The following TNKS variants were observed in gnomAD, a reference collection of about 807,000 sequenced individuals.
TNKS encodes the protein tankyrase.
TNKS carries 72 observed loss-of-function variants against 135.8 expected under a neutral mutation model. That is an observed-to-expected ratio of 0.53 (90% CI 0.44 to 0.64). The LOEUF (loss-of-function observed/expected upper bound fraction) is 0.64. TNKS is among the 30% of genes least tolerant of loss of function. The pLI, the probability that TNKS is intolerant of heterozygous loss-of-function variation, is 0.00. For missense variants in TNKS, 1,769 were observed against 1,674.0 expected, an observed-to-expected ratio of 1.06 and a Z score of -0.99; for synonymous variants, 849 against 649.3, an observed-to-expected ratio of 1.31 and a Z score of -4.68.
intron 3 of TNKS, chr8:9,671,220 T>C (rs564755038): frequency 5.9e-5 from 9 of 152,314 alleles, no homozygotes; most frequent in Admixed American, 4.6e-4. Flanking sequence ...CAGATACTTA[T>C]GATATAACCC....
chr8:9,594,179 G>A (rs1217816086), intron 2 of TNKS, among the ~76,000 whole-genome samples: 5 of 152,096 alleles, frequency 3.3e-5, no homozygotes, highest in African/African-American at 1.2e-4. Flanking sequence ...GAGCCACTGC[G>A]CCCGGCTATC....
Position 9,763,150 on chromosome 8 carries a change from C to G in TNKS, c.3278C>G (p.Thr1093Ser), listed in dbSNP as rs1323918152. The part of the protein sequence containing the change: ...VERLLGGQQG[T>S]NPYLTFHCVN... ...TGTTAATTTTTCTCTCCGACAGGCA[C>G]CAATCCTTATTTGACTTTTCACTGT... The change falls in exon 22 of 27, where the codon ACC (threonine) becomes AGC (serine). Residue 1093 changes from threonine to serine, a missense_variant. Thr to Ser is a moderately conservative substitution (Grantham distance 58). This residue lies in a region of TNKS where 722 missense variants were observed against 688.9 expected (regional missense o/e 1.05). Transcript: ENST00000310430. 1 of 1,583,228 alleles carries G rather than the reference C, an allele frequency of 6.3e-7. No individual in the cohort carries two copies.
intron 23 of TNKS, among the ~76,000 whole-genome samples, chr8:9,765,135 C>A (rs993349464): frequency 6.6e-6 from 1 of 152,160 alleles, no homozygotes; most frequent in Non-Finnish European, 1.5e-5. Context: ...CATCAAAGTC[C>A]TGGATCTTCA....
chr8:9,732,092 A>G (rs1337773265), intron 14 of TNKS, among the ~76,000 whole-genome samples: 2 of 152,166 alleles, frequency 1.3e-5, no homozygotes, highest in Admixed American at 6.5e-5. Flanking sequence ...CCAGCCCTAT[A>G]TGAATGTTTT....
In TNKS at chr8:9,668,673, G is replaced by C. The variant is rs369762335; in HGVS notation, c.995-11278G>C. 4.6e-5 allele frequency among the ~76,000 whole-genome samples: 7 copies of C among 152,278 alleles called. No individual in the cohort carries two copies. In the East Asian group the frequency reaches 9.7e-4, roughly 21 times the overall value. ...CATGAAGGAAGTTATGTGTAAGTTT[G>C]GCCATATGTTTGTGGCAAGATTTTA... is the stretch of plus-strand genomic sequence containing the variant. On this transcript the variant is annotated intron_variant, in intron 3 of 26. Transcript: ENST00000310430.
In TNKS at chr8:9,763,212, G is replaced by A. The variant is rs1159636877; in HGVS notation, c.3340G>A (p.Glu1114Lys). ...QGTILLDLAP[E>K]DKEYQSVEEE... is the part of the protein sequence containing the mutation. ...AACGATTTTGCTGGATCTTGCTCCA[G>A]AAGATAAAGAATATCAGTCAGTGGA... The change falls in exon 22 of 27, where the codon GAA becomes AAA. Residue 1114 changes from glutamate (E) to lysine (K), a missense_variant. Physicochemically the swap from Glu to Lys is moderately conservative, Grantham distance 56 (BLOSUM62 1). Coordinates refer to ENST00000310430, the MANE Select transcript of TNKS (RefSeq NM_003747.3). 31 of 1,607,272 alleles carry A rather than the reference G, an allele frequency of 1.9e-5. No individual in the cohort carries two copies. Among genetic ancestry groups the A allele is most frequent in the Non-Finnish European group, 2.6e-5 (31 of 1,175,770 alleles).
chr8:9,676,599 AAAAT>A (rs1040007697), intron 3 of TNKS, among the ~76,000 whole-genome samples: 12 of 152,132 alleles, frequency 7.9e-5, no homozygotes, highest in African/African-American at 2.9e-4. Context: ...CTACTCCAGA[AAAAT>A]AAAAAGAGCT....
chr8:9,666,362 A>G (rs1156438704), intron 3 of TNKS, among the ~76,000 whole-genome samples: 1 of 152,226 alleles, frequency 6.6e-6, no homozygotes, highest in Non-Finnish European at 1.5e-5. Context: ...ATTCTAAACT[A>G]AAAGGAAATA....
intron 3 of TNKS, among the ~76,000 whole-genome samples, chr8:9,638,275 T>C (rs1486521995): frequency 3.9e-5 from 6 of 152,250 alleles, no homozygotes; most frequent in Non-Finnish European, 4.4e-5. Flanking sequence ...GCCTCCAGCC[T>C]AAATTCTTAT....
intron 1 of TNKS, among the ~76,000 whole-genome samples, chr8:9,561,954 T>C (rs1797348460): frequency 6.6e-6 from 1 of 152,000 alleles, no homozygotes; most frequent in Non-Finnish European, 1.5e-5. Context: ...GTAGCTGGGA[T>C]TACAGGCGCC....
chr8:9,733,022 AT>A (rs1260709650), intron 14 of TNKS, among the ~76,000 whole-genome samples: 1 of 152,232 alleles, frequency 6.6e-6, no homozygotes, highest in African/African-American at 2.4e-5. Flanking sequence ...ACTCATAAAG[AT>A]AAGGATTGCT....
chr8:9,676,452 A>AG (rs1802539801), intron 3 of TNKS, among the ~76,000 whole-genome samples: 1 of 152,150 alleles, frequency 6.6e-6, no homozygotes, highest in African/African-American at 2.4e-5. Flanking sequence ...CAGTTTCTGA[A>AG]GGGGCAAAAG....
chr8:9,611,454 G>A (rs2128763698), intron 2 of TNKS, among the ~76,000 whole-genome samples: 1 of 152,226 alleles, frequency 6.6e-6, no homozygotes, highest in East Asian at 1.9e-4. Flanking sequence ...AAGCAATGTG[G>A]TACTTTTTCA....
chr8:9,595,653 A>C (rs1798755769), intron 2 of TNKS, among the ~76,000 whole-genome samples: 1 of 152,146 alleles, frequency 6.6e-6, no homozygotes, highest in South Asian at 2.1e-4. Flanking sequence ...TAAGAAATAC[A>C]TTGAAGATGC....
At chr8:9,630,026 C>T (rs1336740343) in intron 3 of TNKS, among the ~76,000 whole-genome samples, 5 of 152,216 alleles carry the variant, frequency 3.3e-5, no homozygotes, top group African/African-American at 9.7e-5. Flanking sequence ...AAAATCACCA[C>T]TGCTAATAAG....
Position 9,649,508 on chromosome 8 carries a change from G to A in TNKS, c.995-30443G>A, listed in dbSNP as rs1305068248. Among the ~76,000 whole-genome samples the A allele has an allele frequency of 1.6e-4, 24 of 152,252 alleles. No homozygotes were observed. The East Asian group carries it at 3.9e-3, about 25-fold the overall frequency. On this transcript the variant is annotated intron_variant, in intron 3 of 26. Transcript: ENST00000310430. ...TTTTTTCAATTGTTTTTGGGGGACA[G>A]GTGGTGGTTGGTTACACGGAAAAGT... is the stretch of plus-strand genomic sequence containing the variant.
At position 9,778,816 on chromosome 8, in the gene TNKS, T is replaced by C. The variant is rs1291105961; in HGVS notation, c.*2080T>C. 2 of 152,216 alleles carry C rather than the reference T, an allele frequency of 1.3e-5. No homozygotes were observed. The highest frequency in any genetic ancestry group is 4.8e-5 in the African/African-American group (2 of 41,454). 9.4% of individuals were successfully genotyped at this position (152,216 alleles called of 1,614,324 possible). On this transcript the variant is annotated 3_prime_UTR_variant, in exon 27 of 27. Transcript: ENST00000310430. The stretch of plus-strand genomic sequence containing the variant: ...TTTAAAATGGTAAACACAGCTGTGA[T>C]TTTTAGTTAAGTAAAAGAGTTAATA...
chr8:9,767,743 C>T (rs561842409), intron 25 of TNKS, among the ~76,000 whole-genome samples: 1 of 151,928 alleles, frequency 6.6e-6, no homozygotes, highest in Non-Finnish European at 1.5e-5. Flanking sequence ...GCAGATCATG[C>T]CGTCAGGAGA....
At chr8:9,657,773 A>AG (rs1801476157) in intron 3 of TNKS, among the ~76,000 whole-genome samples, 1 of 78,666 alleles carries the variant, frequency 1.3e-5, no homozygotes, top group Non-Finnish European at 2.7e-5. Flanking sequence ...CTGGCCGGGC[A>AG]GGGGGCTGAC....
Sources: allele counts gnomAD v4.1 joint callset (sites outside exome capture counted in the v4.1 genomes callset), GRCh38; gene constraint gnomAD v4.1.1; regional missense constraint gnomAD v4.1.1; transcripts MANE v1.5; gene names NCBI Gene and HGNC (gene_info 2026-07-23, HGNC 2026-07-21).